Variants in LIG1 observed in about 807,000 individuals in gnomAD.
LIG1 encodes the protein DNA ligase 1.
Under a neutral mutation model 115.7 loss-of-function variants are expected in LIG1, and 70 were observed. That is an observed-to-expected ratio of 0.60 (90% CI 0.50 to 0.74). The LOEUF (loss-of-function observed/expected upper bound fraction) is 0.74. Among genes scored for constraint, LIG1 ranks in the 30% least tolerant of loss-of-function variants. The pLI, the probability that LIG1 is intolerant of heterozygous loss-of-function variation, is 0.00. For missense variants in LIG1, 1,115 were observed against 1,225.6 expected, an observed-to-expected ratio of 0.91 and a Z score of 1.35; for synonymous variants, 487 against 495.3, an observed-to-expected ratio of 0.98 and a Z score of 0.22.
In LIG1 at chr19:48,149,852, A is replaced by C; in HGVS notation, c.698-11T>G. The C allele has an allele frequency of 6.2e-7, 1 of 1,613,388 alleles. No homozygotes were observed. The highest frequency in any genetic ancestry group is 8.5e-7 in the Non-Finnish European group (1 of 1,179,734). ...CTGGCTTCCGGGGGGCTAGGAATGAAGACAGAAAACAGTGGGTCTTTTCTC... is the reference window on the plus strand; with the variant it reads ...CTGGCTTCCGGGGGGCTAGGAATGACGACAGAAAACAGTGGGTCTTTTCTC... On this transcript the variant is annotated splice_polypyrimidine_tract_variant and intron_variant, in intron 8 of 27. Coordinates refer to ENST00000263274, the MANE Select transcript of LIG1 (RefSeq NM_000234.3).
chr19:48,146,090 C>T (rs909534268), intron 9 of LIG1: 1 of 152,292 alleles, frequency 6.6e-6, no homozygotes, highest in African/African-American at 2.4e-5. Flanking sequence ...GAACATGCTT[C>T]CTCTCATCAC....
chr19:48,140,918 C>T (rs1490694401), intron 11 of LIG1, among the ~76,000 whole-genome samples: 2 of 152,292 alleles, frequency 1.3e-5, no homozygotes, highest in South Asian at 2.1e-4. Flanking sequence ...TCCGGTCTCC[C>T]GCACAGCCAG....
At chr19:48,148,497 G>A (rs538895116) in intron 9 of LIG1, among the ~76,000 whole-genome samples, 19 of 151,812 alleles carry the variant, frequency 1.3e-4, no homozygotes, top group African/African-American at 4.3e-4. Flanking sequence ...AAAAAGCAGG[G>A]AGGAATGACA....
chr19:48,132,083 CACA>C (rs1341431995), intron 18 of LIG1, among the ~76,000 whole-genome samples: 1 of 151,920 alleles, frequency 6.6e-6, no homozygotes, highest in Non-Finnish European at 1.5e-5. Flanking sequence ...GGACTACAGG[CACA>C]CGCCACCACA....
chr19:48,146,186 G>T (rs1194611135), intron 9 of LIG1: 1 of 152,308 alleles, frequency 6.6e-6, no homozygotes, highest in Non-Finnish European at 1.5e-5. Context: ...CAGAGGGGAA[G>T]TGACCAGGCT....
chr19:48,127,181 G>A (rs2033725090), intron 21 of LIG1, 96 bp downstream of exon 21: 2 of 982,770 alleles, frequency 2.0e-6, no homozygotes. Context: ...CATGTGAAGT[G>A]GCAGAGTCGG....
In LIG1 at chr19:48,117,621, G is replaced by A. The variant is rs750799143; in HGVS notation, c.2583+17C>T. The A allele has an allele frequency of 6.2e-7, 1 of 1,611,140 alleles. No individual in the cohort carries two copies. Among genetic ancestry groups the A allele is most frequent in the Admixed American group, 1.7e-5 (1 of 59,832 alleles). Reference sequence around the variant, plus strand: ...AGAATCCCACACAGGGCCACGGCCAGGTCCTCTGCCACTCACCAGGCCCCG... The same window carrying A: ...AGAATCCCACACAGGGCCACGGCCAAGTCCTCTGCCACTCACCAGGCCCCG... On this transcript the variant is annotated intron_variant, in intron 26 of 27. Transcript: ENST00000263274.
intron 6 of LIG1, among the ~76,000 whole-genome samples, chr19:48,152,575 T>C (rs1357118430): frequency 6.6e-6 from 1 of 152,178 alleles, no homozygotes; most frequent in Non-Finnish European, 1.5e-5. Context: ...TTTATGGCTG[T>C]TTTCGGTGGG....
At chr19:48,132,918 A>T in intron 18 of LIG1, 64 bp downstream of exon 18, 1 of 1,215,096 alleles carries the variant, frequency 8.2e-7, no homozygotes, top group Non-Finnish European at 1.2e-6. Flanking sequence ...GGCCTCAGTG[A>T]CCCCACACCC....
chr19:48,138,581 G>A (rs1269137057), intron 12 of LIG1, among the ~76,000 whole-genome samples: 1 of 152,148 alleles, frequency 6.6e-6, no homozygotes. Flanking sequence ...TCTCCAAAGT[G>A]GCCAACAACT....
chr19:48,149,637 G>T, intron 9 of LIG1, 126 bp downstream of exon 9: 1 of 757,646 alleles, frequency 1.3e-6, no homozygotes, highest in Non-Finnish European at 2.3e-6. Context: ...TTACTCTCTG[G>T]CTCTTTATAG....
chr19:48,151,792 G>A (rs1423429169), intron 6 of LIG1, among the ~76,000 whole-genome samples: 2 of 131,788 alleles, frequency 1.5e-5, no homozygotes, highest in Admixed American at 1.5e-4. Flanking sequence ...GCAAGGCAGC[G>A]ACCTTGAGGG....
intron 2 of LIG1, among the ~76,000 whole-genome samples, chr19:48,164,041 T>C (rs1056480696): frequency 6.6e-6 from 1 of 150,850 alleles, no homozygotes; most frequent in Non-Finnish European, 1.5e-5. Flanking sequence ...TTAAGAGTAA[T>C]GTACTGACAT....
Position 48,162,342 on chromosome 19 carries a change from G to A in LIG1, c.27C>T (p.Phe9=). The A allele has an allele frequency of 6.2e-7, 1 of 1,612,840 alleles. No individual in the cohort carries two copies. The highest frequency in any genetic ancestry group is 2.2e-5 in the East Asian group (1 of 44,852). Residue 9 remains phenylalanine (F), a synonymous_variant, in exon 3 of 28, where the codon TTC becomes TTT. Transcript: ENST00000263274. ...TTGCTTTACCCTCTTTCTTGGGGTG[G>A]AAAAATGACCTAGAGGAGCATAAAA... The part of the protein sequence containing the change: MQRSIMSF[F]HPKKEGKAKK...
chr19:48,167,836 A>C (rs1003858744), intron 1 of LIG1, among the ~76,000 whole-genome samples: 31 of 151,562 alleles, frequency 2.0e-4, no homozygotes, highest in Admixed American at 1.6e-3. Flanking sequence ...AAAAAAAAAA[A>C]AAAAAAAAAA....
chr19:48,143,736 T>C (rs415465), intron 10 of LIG1, 137 bp from the exon 11 acceptor site: 196 of 1,054,624 alleles, frequency 1.9e-4, no homozygotes, highest in Non-Finnish European at 2.5e-4. Flanking sequence ...CCCAGGGCTG[T>C]CTCTCTGTCC....
intron 23 of LIG1, 111 bp from the exon 24 acceptor site, chr19:48,121,433 G>T: frequency 1.8e-6 from 2 of 1,094,364 alleles, no homozygotes; most frequent in Non-Finnish European, 2.5e-6. Flanking sequence ...TAAGTCTGAA[G>T]GGAACTTCCA....
At position 48,156,634 on chromosome 19, in the gene LIG1, T is replaced by A. The variant is rs564461636; in HGVS notation, c.370+380A>T. 3.1e-3 allele frequency among the ~76,000 whole-genome samples: 467 copies of A among 152,178 alleles called. 2 individuals are homozygous for A. Among genetic ancestry groups the A allele is most frequent in the African/African-American group, 0.011 (449 of 41,528 alleles). ...TAAGGATGACTACCTTGGATGGGAA[T>A]CCAAGTGGGGAGAAAGGCAGGCGAC... On this transcript the variant is annotated intron_variant, in intron 5 of 27. Transcript: ENST00000263274.
chr19:48,161,272 A>G (rs764818843), intron 4 of LIG1, 100 bp downstream of exon 4: 35 of 1,554,174 alleles, frequency 2.3e-5, no homozygotes, highest in Non-Finnish European at 3.1e-5. Flanking sequence ...CTCCCGGGCA[A>G]TTTCTCCAGA....
Sources: gnomAD v4.1 joint callset for allele counts (sites outside exome capture counted in the v4.1 genomes callset) on GRCh38, gnomAD v4.1.1 for gene constraint, MANE v1.5 for transcripts, NCBI Gene and HGNC (gene_info 2026-07-23, HGNC 2026-07-21) for gene names.